SDR42E1: variants seen among roughly 807,000 people sequenced by gnomAD.
SDR42E1 encodes short chain dehydrogenase/reductase family 42E, member 1, also known as short-chain dehydrogenase/reductase family 42E member 1.
Under a neutral mutation model 2.6 loss-of-function variants are expected in SDR42E1, and 5 were observed. The ratio of observed to expected loss-of-function variants is 1.94; its 90% CI spans 1.01 to 4.08. The LOEUF is 4.08. Ranked by LOEUF, SDR42E1 falls within the 30% of genes most tolerant of loss-of-function variation. SDR42E1 has a pLI of 0.00. For missense variants in SDR42E1, 596 were observed against 478.6 expected (o/e 1.25, Z -2.29); for synonymous variants, 231 against 188.3 (o/e 1.23, Z -1.86).
chr16:82,002,714 T>C (rs993662371), intron 1 of SDR42E1, among the ~76,000 whole-genome samples: 2 of 152,134 alleles, frequency 1.3e-5, no homozygotes, highest in African/African-American at 4.8e-5. Flanking sequence ...CACTTACCAG[T>C]TGTGTGATTT....
In SDR42E1 at chr16:81,994,120, A is replaced by C. The variant is rs1038639617; in HGVS notation, c.*4991T>G. ...AGAAAAATCGAACTTAAAGGACCTT[A>C]AGCAGAAAAGAAAGTGAACTGAAGA... On this transcript the variant is annotated 3_prime_UTR_variant, in exon 3 of 3. Transcript: ENST00000328945. 2.0e-5 allele frequency: 3 copies of C among 152,214 alleles called. No individual in the cohort carries two copies. Among genetic ancestry groups the C allele is most frequent in the African/African-American group, 7.2e-5 (3 of 41,444 alleles). The allele number at this position is 152,214 out of a possible 1,614,324, so 9.4% of individuals were successfully genotyped here.
In SDR42E1 at chr16:81,998,863, A is replaced by C; in HGVS notation, c.*248T>G. The C allele has an allele frequency of 1.9e-6, 1 of 516,430 alleles. No individual in the cohort carries two copies. Among genetic ancestry groups the C allele is most frequent in the South Asian group, 2.5e-5 (1 of 39,334 alleles). 32.0% of individuals were successfully genotyped at this position (516,430 alleles called of 1,614,324 possible). A position where few individuals can be genotyped will look rare whatever the true frequency, so the allele number is the denominator to read the frequency against. Reference sequence around the variant, plus strand: ...CTTCTATGGCTCCAAACTGACTTCTATTGTACCCACCTAAAACAGAAGCAC... The same window carrying C: ...CTTCTATGGCTCCAAACTGACTTCTCTTGTACCCACCTAAAACAGAAGCAC... On this transcript the variant is annotated 3_prime_UTR_variant, in exon 3 of 3. Coordinates refer to ENST00000328945, the MANE Select transcript of SDR42E1 (RefSeq NM_145168.3).
In SDR42E1 at chr16:81,992,369, T is replaced by C. The variant is rs1912447401; in HGVS notation, c.*6742A>G. The C allele has an allele frequency of 6.6e-6, 1 of 152,178 alleles. No homozygotes were observed. Among genetic ancestry groups the C allele is most frequent in the Admixed American group, 6.5e-5 (1 of 15,280 alleles). 9.4% of individuals were successfully genotyped at this position (152,178 alleles called of 1,614,324 possible). A position where few individuals can be genotyped will look rare whatever the true frequency, so the allele number is the denominator to read the frequency against. On this transcript the variant is annotated 3_prime_UTR_variant, in exon 3 of 3. Coordinates refer to ENST00000328945, the MANE Select transcript of SDR42E1 (RefSeq NM_145168.3). ...AATCAGTGGAGTGGGGGTGTTGTAATTGCCCAGCAATGTGCAAATAATTCC... is the reference window on the plus strand; with the variant it reads ...AATCAGTGGAGTGGGGGTGTTGTAACTGCCCAGCAATGTGCAAATAATTCC...
At chr16:82,000,735 C>A in intron 2 of SDR42E1, 56 bp downstream of exon 2, 3 of 1,313,582 alleles carry the variant, frequency 2.3e-6, no homozygotes, top group Non-Finnish European at 3.3e-6. Context: ...GAGTTGAATG[C>A]TTCTGGCAAC....
Position 81,998,989 on chromosome 16 carries a change from T to C in SDR42E1, c.*122A>G, listed in dbSNP as rs941484213. The C allele has an allele frequency of 4.0e-6, 4 of 1,002,134 alleles. No individual in the cohort carries two copies. The highest frequency in any genetic ancestry group is 1.4e-6 in the Non-Finnish European group (1 of 694,834). 62.1% of individuals were successfully genotyped at this position (1,002,134 alleles called of 1,614,324 possible). A position where few individuals can be genotyped will look rare whatever the true frequency, so the allele number is the denominator to read the frequency against. On this transcript the variant is annotated 3_prime_UTR_variant, in exon 3 of 3. Coordinates refer to ENST00000328945, the MANE Select transcript of SDR42E1 (RefSeq NM_145168.3). ...CATAAAGATTCAATCCAAGAACCTATTCTTAAGTAGCAATTTGAAGAGCCA... is the reference window on the plus strand; with the variant it reads ...CATAAAGATTCAATCCAAGAACCTACTCTTAAGTAGCAATTTGAAGAGCCA...
intron 1 of SDR42E1, among the ~76,000 whole-genome samples, chr16:82,004,570 G>A (rs1049282159): frequency 3.3e-5 from 5 of 152,142 alleles, no homozygotes; most frequent in African/African-American, 4.8e-5. Flanking sequence ...GTGTGACCAC[G>A]GCTCACTGCA....
chr16:82,002,951 C>T (rs1166782017), intron 1 of SDR42E1, among the ~76,000 whole-genome samples: 1 of 152,204 alleles, frequency 6.6e-6, no homozygotes, highest in African/African-American at 2.4e-5. Context: ...TTCCACATGA[C>T]ATGACTACAT....
Position 81,992,369 on chromosome 16 carries a change from T to A in SDR42E1, c.*6742A>T, listed in dbSNP as rs1912447401. The A allele has an allele frequency of 6.6e-6, 1 of 152,178 alleles. No individual in the cohort carries two copies. Among genetic ancestry groups the A allele is most frequent in the African/African-American group, 2.4e-5 (1 of 41,444 alleles). The allele number at this position is 152,178 out of a possible 1,614,324, so 9.4% of individuals were successfully genotyped here. A position where few individuals can be genotyped will look rare whatever the true frequency, so the allele number is the denominator to read the frequency against. On this transcript the variant is annotated 3_prime_UTR_variant, in exon 3 of 3. Coordinates refer to ENST00000328945, the MANE Select transcript of SDR42E1 (RefSeq NM_145168.3). ...AATCAGTGGAGTGGGGGTGTTGTAATTGCCCAGCAATGTGCAAATAATTCC... is the reference window on the plus strand; with the variant it reads ...AATCAGTGGAGTGGGGGTGTTGTAAATGCCCAGCAATGTGCAAATAATTCC...
chr16:82,005,467 C>G (rs1219667614), intron 1 of SDR42E1, among the ~76,000 whole-genome samples: 2 of 152,210 alleles, frequency 1.3e-5, no homozygotes, highest in Admixed American at 6.5e-5. Context: ...CCGCCTCCTC[C>G]CTTCCTGATC....
chr16:82,006,959 C>T (rs776122159), intron 1 of SDR42E1, among the ~76,000 whole-genome samples: 23 of 152,240 alleles, frequency 1.5e-4, no homozygotes, highest in Non-Finnish European at 3.2e-4. Context: ...AATTCAGGGT[C>T]ATCACCTGAG....
chr16:82,003,406 T>C (rs930158271), intron 1 of SDR42E1, among the ~76,000 whole-genome samples: 3 of 152,354 alleles, frequency 2.0e-5, no homozygotes, highest in African/African-American at 7.2e-5. Flanking sequence ...ATGAATGCTA[T>C]TTCCCAACAC....
In SDR42E1 at chr16:81,999,873, C is replaced by T. The variant is rs200424203; in HGVS notation, c.420G>A (p.Leu140=). ...GGTGGAGGTGAAGAGGCAGGTAGGG[C>T]AGAGATTCATCCCCATTTCTGATAA... ...GQVIRNGDES[L]PYLPLHLHPD... Residue 140 remains leucine (L), a synonymous_variant, in exon 3 of 3, where the codon CTG becomes CTA. Coordinates refer to ENST00000328945, the MANE Select transcript of SDR42E1 (RefSeq NM_145168.3). The T allele has an allele frequency of 3.7e-6, 6 of 1,614,186 alleles. No homozygotes were observed. Among genetic ancestry groups the T allele is most frequent in the Middle Eastern group, 3.3e-4 (2 of 6,062 alleles).
chr16:81,991,275 C>G lies in SDR42E1; in HGVS notation c.*7836G>C, dbSNP rs1912422371. ...ACTCACATGACAAAATAATGGTTTG[C>G]TTCTGTAACTTAGTTTGTGTAGCAG... On this transcript the variant is annotated 3_prime_UTR_variant, in exon 3 of 3. Transcript: ENST00000328945. The G allele has an allele frequency of 1.3e-5, 2 of 152,164 alleles. No individual in the cohort carries two copies. 9.4% of individuals were successfully genotyped at this position (152,164 alleles called of 1,614,324 possible).
chr16:82,011,292 C>T (rs1013579652), intron 1 of SDR42E1, 95 bp downstream of exon 1: 1 of 152,366 alleles, frequency 6.6e-6, no homozygotes, highest in Non-Finnish European at 1.5e-5. Flanking sequence ...CGTCCCCCAC[C>T]CCCGGGACCG....
chr16:82,010,206 CA>C (rs1272315597), intron 1 of SDR42E1, among the ~76,000 whole-genome samples: 1 of 152,182 alleles, frequency 6.6e-6, no homozygotes, highest in Non-Finnish European at 1.5e-5. Flanking sequence ...AAAGGTTTAG[CA>C]TTTAAGCCTC....
At chr16:82,010,226 C>A (rs942065870) in intron 1 of SDR42E1, among the ~76,000 whole-genome samples, 2 of 152,164 alleles carry the variant, frequency 1.3e-5, no homozygotes, top group Non-Finnish European at 2.9e-5. Flanking sequence ...TCAGGACAAT[C>A]TTCCGAAGTT....
At chr16:82,006,680 G>A (rs971852825) in intron 1 of SDR42E1, among the ~76,000 whole-genome samples, 8 of 152,180 alleles carry the variant, frequency 5.3e-5, no homozygotes, top group Admixed American at 2.6e-4. Flanking sequence ...TGTAATCTCA[G>A]CTACTCAGAA....
chr16:82,005,149 T>C (rs1424671989), intron 1 of SDR42E1, among the ~76,000 whole-genome samples: 1 of 152,230 alleles, frequency 6.6e-6, no homozygotes, highest in Non-Finnish European at 1.5e-5. Flanking sequence ...AAATTACACA[T>C]TCCAGTCCAG....
intron 1 of SDR42E1, among the ~76,000 whole-genome samples, chr16:82,004,328 G>A (rs1912864623): frequency 6.6e-6 from 1 of 152,124 alleles, no homozygotes; most frequent in African/African-American, 2.4e-5. Flanking sequence ...AGGTGGGGGT[G>A]CACCACGAAT....
Sources: allele counts gnomAD v4.1 joint callset (sites outside exome capture counted in the v4.1 genomes callset), GRCh38; gene constraint gnomAD v4.1.1; transcripts MANE v1.5; gene names NCBI Gene and HGNC (gene_info 2026-07-23, HGNC 2026-07-21).